GCC2: variants seen among roughly 807,000 people sequenced by gnomAD.
GCC2 encodes GRIP and coiled-coil domain containing 2.
A neutral mutation model predicts 210.6 loss-of-function variants in GCC2; 120 were observed. The ratio of observed to expected loss-of-function variants is 0.57; its 90% CI spans 0.49 to 0.66. The LOEUF (loss-of-function observed/expected upper bound fraction) is 0.66, where lower values mean the gene tolerates loss of function less well. GCC2 is among the 30% of genes least tolerant of loss of function. The pLI is 0.00. For synonymous variants in GCC2, 703 were observed against 652.7 expected (o/e 1.08, Z -1.17); for missense variants, 1,868 against 1,871.9 (o/e 1.00, Z 0.04).
chr2:108,485,726 C>G lies in GCC2; in HGVS notation c.3704C>G (p.Ser1235Ter). The G allele has an allele frequency of 6.3e-7, 1 of 1,579,334 alleles. No homozygotes were observed. The highest frequency in any genetic ancestry group is 8.6e-7 in the Non-Finnish European group (1 of 1,163,196). ...AAAACCAAAAAGGAACTGGCAGATTCAAAGCAAGCAGTATGTTAATTTTTC... is the reference window on the plus strand; with the variant it reads ...AAAACCAAAAAGGAACTGGCAGATTGAAAGCAAGCAGTATGTTAATTTTTC... The part of the protein sequence containing the change: ...LVKTKKELAD[S>*]KQAETDHLIL... Residue 1235 changes from serine to a stop codon, truncating the protein, a stop_gained, in exon 14 of 23, where the codon TCA (serine) becomes TGA (stop). Transcript: ENST00000309863. LOFTEE classifies it high-confidence loss of function.
chr2:108,468,802 G>A (rs1477633252), intron 4 of GCC2, among the ~76,000 whole-genome samples, 178 bp from the exon 5 acceptor site: 1 of 152,172 alleles, frequency 6.6e-6, no homozygotes, highest in East Asian at 1.9e-4. Flanking sequence ...TTCCAAAGAT[G>A]TGTTGAAATT....
At chr2:108,475,883 A>G (rs777695070) in intron 9 of GCC2, 33 bp downstream of exon 9, 2 of 1,162,538 alleles carry the variant, frequency 1.7e-6, no homozygotes, top group Admixed American at 4.5e-5. Flanking sequence ...ACAAGTTATA[A>G]AAGTTGTAAT....
chr2:108,490,511 A>G (rs371060407), intron 18 of GCC2, among the ~76,000 whole-genome samples: 4 of 152,250 alleles, frequency 2.6e-5, no homozygotes, highest in African/African-American at 9.6e-5. Context: ...AACTCCTGTG[A>G]TAAAGAAATT....
chr2:108,461,819 T>C (rs1361728547), intron 4 of GCC2, among the ~76,000 whole-genome samples: 1 of 138,558 alleles, frequency 7.2e-6, no homozygotes, highest in Non-Finnish European at 1.6e-5. Flanking sequence ...ATAGGTTTTC[T>C]TTTTTTTTTT....
intron 7 of GCC2, among the ~76,000 whole-genome samples, chr2:108,474,035 G>C (rs1681378134): frequency 6.6e-6 from 1 of 151,870 alleles, no homozygotes; most frequent in Non-Finnish European, 1.5e-5. Context: ...GCGGGCGCTT[G>C]TAGTCACAGC....
intron 12 of GCC2, among the ~76,000 whole-genome samples, chr2:108,483,467 C>T (rs754068104): frequency 2.6e-5 from 4 of 152,028 alleles, no homozygotes; most frequent in African/African-American, 4.8e-5. Context: ...TCAAATGATC[C>T]GCCCATCTCA....
rs537801720 is a variant in GCC2 at position 108,509,048 on chromosome 2, A to G, written c.*1418A>G. The G allele has an allele frequency of 2.2e-4, 33 of 152,736 alleles. No homozygotes were observed. The highest frequency in any genetic ancestry group is 7.9e-4 in the African/African-American group (33 of 41,568). 9.5% of individuals were successfully genotyped at this position (152,736 alleles called of 1,614,324 possible). On this transcript the variant is annotated 3_prime_UTR_variant, in exon 23 of 23. Transcript: ENST00000309863. ...TATATCTCATCTTTCCTCCTGTCTT[A>G]GAAGAACAGACCTAACTAGTGAATG...
chr2:108,472,108 C>T lies in GCC2; in HGVS notation c.2779C>T (p.Leu927=). ...ELRDRRAELI[L]LKDSLAKSPS... is the part of the protein sequence containing the mutation. ...ACGAGATAGGAGAGCAGAGTTGATA[C>T]TATTAAAGGTACCATTCATTTGAAT... Residue 927 remains leucine, a synonymous_variant, in exon 6 of 23, where the codon CTA becomes TTA. Transcript: ENST00000309863. 6.6e-7 allele frequency: 1 copy of T among 1,515,556 alleles called. No individual in the cohort carries two copies. Among genetic ancestry groups the T allele is most frequent in the South Asian group, 1.4e-5 (1 of 73,996 alleles). The allele number at this position is 1,515,556 out of a possible 1,614,324, so 93.9% of individuals were successfully genotyped here. A position where few individuals can be genotyped will look rare whatever the true frequency, so the allele number is the denominator to read the frequency against.
At chr2:108,506,205 T>C (rs1305482541) in intron 22 of GCC2, among the ~76,000 whole-genome samples, 3 of 152,206 alleles carry the variant, frequency 2.0e-5, no homozygotes, top group African/African-American at 7.2e-5. Context: ...TTAAAATTGC[T>C]AAAAACGAGG....
At position 108,487,801 on chromosome 2, in the gene GCC2, G is replaced by A. The variant is rs141811180; in HGVS notation, c.4033G>A (p.Glu1345Lys). Residue 1345 changes from glutamate to lysine, a missense_variant, in exon 17 of 23, where the codon GAG (glutamate) becomes AAG (lysine). Transcript: ENST00000309863. Reference sequence around the variant, plus strand: ...TAAATCTATGTCTCAGGCTGAAACTGAGGGCGCTAAACAAGAAAGGTAAAG... The same window carrying A: ...TAAATCTATGTCTCAGGCTGAAACTAAGGGCGCTAAACAAGAAAGGTAAAG... ...KNKSMSQAET[E>K]GAKQEREHLE... 6.2e-7 allele frequency: 1 copy of A among 1,612,950 alleles called. No homozygotes were observed. The highest frequency in any genetic ancestry group is 2.2e-5 in the East Asian group (1 of 44,800).
chr2:108,470,969 T>TA lies in GCC2; in HGVS notation c.1641dup (p.Leu548ThrfsTer11), dbSNP rs1681180785. On this transcript the variant is annotated frameshift_variant, in exon 6 of 23. Transcript: ENST00000309863. LOFTEE classifies it high-confidence loss of function. ...CGCCTCCAGGGAGAAAATGAAAAGT[T>TA]ACTATCTCAACAAGAATTGGTACCA... 6.2e-7 allele frequency: 1 copy of TA among 1,613,214 alleles called. No homozygotes were observed. The highest frequency in any genetic ancestry group is 8.5e-7 in the Non-Finnish European group (1 of 1,179,588).
chr2:108,474,224 C>T (rs1681391230), intron 7 of GCC2, among the ~76,000 whole-genome samples: 1 of 152,040 alleles, frequency 6.6e-6, no homozygotes, highest in Non-Finnish European at 1.5e-5. Flanking sequence ...AGATGGAGAC[C>T]AGAGACATTT....
chr2:108,487,617 T>C (rs1463832834), intron 16 of GCC2, 82 bp from the exon 17 acceptor site: 2 of 1,317,526 alleles, frequency 1.5e-6, no homozygotes, highest in Non-Finnish European at 2.1e-6. Context: ...AACAGGTTTT[T>C]ATCTCAATTT....
chr2:108,502,898 G>A lies in GCC2; in HGVS notation c.4984+3144G>A, dbSNP rs148725181. The stretch of plus-strand genomic sequence containing the variant: ...AGATGGTGCCATTGCACTCCAGCCC[G>A]AGCAACAAGAGCAAAACCCTGTCTC... On this transcript the variant is annotated intron_variant, in intron 22 of 22. Transcript: ENST00000309863. 5.5e-3 allele frequency among the ~76,000 whole-genome samples: 795 copies of A among 143,976 alleles called. 8 individuals carry two copies. The highest frequency in any genetic ancestry group is 0.019 in the African/African-American group (722 of 38,772). The allele number at this position is 143,976 out of a possible 152,430, so 94.5% of individuals were successfully genotyped here. A position where few individuals can be genotyped will look rare whatever the true frequency, so the allele number is the denominator to read the frequency against.
At chr2:108,484,084 A>G in intron 12 of GCC2, 65 bp from the exon 13 acceptor site, 1 of 994,218 alleles carries the variant, frequency 1.0e-6, no homozygotes, top group Non-Finnish European at 1.4e-6. Flanking sequence ...TTTACAAATG[A>G]AAAAAAAAAT....
chr2:108,459,309 C>A (rs1340671799), intron 4 of GCC2, among the ~76,000 whole-genome samples: 1 of 152,054 alleles, frequency 6.6e-6, no homozygotes, highest in Non-Finnish European at 1.5e-5. Context: ...CCCCTTGATA[C>A]TGATTTCTAA....
Position 108,471,600 on chromosome 2 carries a change from T to C in GCC2, c.2271T>C (p.Thr757=). Residue 757 remains threonine (T), a synonymous_variant, in exon 6 of 23, where the codon ACT becomes ACC. Transcript: ENST00000309863. Reference sequence around the variant, plus strand: ...AAGTTCAGAAGTTATTTGTTAAAACTCAGTTGTATGGTTTTCTTAAAGAAA... The same window carrying C: ...AAGTTCAGAAGTTATTTGTTAAAACCCAGTTGTATGGTTTTCTTAAAGAAA... ...NEQVQKLFVK[T]QLYGFLKEMG... The C allele has an allele frequency of 6.2e-7, 1 of 1,612,858 alleles. No homozygotes were observed. Among genetic ancestry groups the C allele is most frequent in the Non-Finnish European group, 8.5e-7 (1 of 1,179,540 alleles).
chr2:108,487,238 T>TA (rs1682187611), intron 16 of GCC2, among the ~76,000 whole-genome samples: 1 of 152,240 alleles, frequency 6.6e-6, no homozygotes, highest in African/African-American at 2.4e-5. Flanking sequence ...AAATGTTTAT[T>TA]AAGTTCCAAA....
chr2:108,497,639 G>A (rs980306585), intron 21 of GCC2, among the ~76,000 whole-genome samples: 55 of 152,106 alleles, frequency 3.6e-4, no homozygotes, highest in African/African-American at 1.3e-3. Context: ...CAGTTTTCAG[G>A]TGGAGATGGC....
Sources: allele counts gnomAD v4.1 joint callset (sites outside exome capture counted in the v4.1 genomes callset), GRCh38; gene constraint gnomAD v4.1.1; transcripts MANE v1.5; gene names NCBI Gene and HGNC (gene_info 2026-07-23, HGNC 2026-07-21).